ADGRL2: variants seen among roughly 807,000 people sequenced by gnomAD.
ADGRL2 encodes the protein adhesion G protein-coupled receptor L2.
ADGRL2 carries 44 observed loss-of-function variants against 157.4 expected under a neutral mutation model. That is an observed-to-expected ratio of 0.28 (90% CI 0.22 to 0.36). The LOEUF (loss-of-function observed/expected upper bound fraction) is 0.36. Ranked by LOEUF, ADGRL2 falls within the 10% of genes least tolerant of loss-of-function variation. The pLI is 1.00. For missense variants in ADGRL2, 1,510 were observed against 1,768.9 expected, an observed-to-expected ratio of 0.85 and a Z score of 2.63; for synonymous variants, 585 against 624.7, an observed-to-expected ratio of 0.94 and a Z score of 0.95.
chr1:81,545,191 G>A (rs1375683140), intron 2 of ADGRL2, among the ~76,000 whole-genome samples: 1 of 152,042 alleles, frequency 6.6e-6, no homozygotes, highest in Non-Finnish European at 1.5e-5. Flanking sequence ...AGGGGATCGA[G>A]GTTCAAAACA....
Position 81,963,194 on chromosome 1 carries a change from C to T in ADGRL2, c.2018-2864C>T, listed in dbSNP as rs74790217. Among the ~76,000 whole-genome samples the T allele has an allele frequency of 2.6e-3, 393 of 151,846 alleles. 8 individuals are homozygous for T. The East Asian group carries it at 0.034, about 13-fold the overall frequency. On this transcript the variant is annotated intron_variant, in intron 11 of 23. Transcript: ENST00000686636. ...CTTTTTTTTATTATAAATAATATCA[C>T]TTTTAAAATTACATATTTTAATTGT...
Position 81,993,188 on chromosome 1 carries a change from G to A in ADGRL2, c.*2043G>A, listed in dbSNP as rs1246854325. Among the ~76,000 whole-genome samples, 1 of 125,096 alleles carries A rather than the reference G, an allele frequency of 8.0e-6. No individual in the cohort carries two copies. Among genetic ancestry groups the A allele is most frequent in the Non-Finnish European group, 1.6e-5 (1 of 62,014 alleles). The allele number at this position is 125,096 out of a possible 152,430, so 82.1% of individuals were successfully genotyped here. ...GTGATCTCGGCTCACTGCAACCTCC[G>A]CCTCCCAGGTTCTCAAACAGATTTA... On this transcript the variant is annotated 3_prime_UTR_variant, in exon 24 of 24. Transcript: ENST00000686636.
At chr1:81,753,968 T>C (rs2085576287) in intron 1 of ADGRL2, among the ~76,000 whole-genome samples, 1 of 152,034 alleles carries the variant, frequency 6.6e-6, no homozygotes, top group Admixed American at 6.6e-5. Context: ...TGAGAATGAG[T>C]TGTGGTCTAA....
intron 2 of ADGRL2, among the ~76,000 whole-genome samples, chr1:81,541,288 G>C (rs978453648): frequency 2.0e-5 from 3 of 152,208 alleles, no homozygotes; most frequent in Non-Finnish European, 4.4e-5. Flanking sequence ...CAAGAACCAG[G>C]ATGCAACCAA....
chr1:81,955,426 A>G (rs1332872691), intron 10 of ADGRL2, among the ~76,000 whole-genome samples: 1 of 152,172 alleles, frequency 6.6e-6, no homozygotes, highest in Non-Finnish European at 1.5e-5. Context: ...TCAAAAAATA[A>G]TATAGTTTAA....
chr1:81,313,919 C>G (rs1301659445), intron 1 of ADGRL2, among the ~76,000 whole-genome samples: 2 of 152,074 alleles, frequency 1.3e-5, no homozygotes, highest in Non-Finnish European at 2.9e-5. Context: ...ATATTTCTCT[C>G]CTTCATACTC....
chr1:81,786,546 A>G (rs2087056303), intron 2 of ADGRL2, among the ~76,000 whole-genome samples: 1 of 152,246 alleles, frequency 6.6e-6, no homozygotes, highest in South Asian at 2.1e-4. Context: ...ACTGCACTCC[A>G]GCCTGGGTGA....
At chr1:81,699,547 T>G (rs1031308716), upstream of ADGRL2, among the ~76,000 whole-genome samples, 1 of 152,216 alleles carries the variant, frequency 6.6e-6, no homozygotes, top group African/African-American at 2.4e-5. Context: ...CAGGTGGAAC[T>G]GGCTACCTGA....
chr1:81,399,136 G>A (rs1450816401), intron 1 of ADGRL2, among the ~76,000 whole-genome samples: 1 of 152,164 alleles, frequency 6.6e-6, no homozygotes, highest in Non-Finnish European at 1.5e-5. Flanking sequence ...GCAAAAGAGA[G>A]AGAGAGTGAT....
chr1:81,310,397 C>T (rs111632354), intron 1 of ADGRL2, among the ~76,000 whole-genome samples: 1 of 152,200 alleles, frequency 6.6e-6, no homozygotes, highest in African/African-American at 2.4e-5. Context: ...GTTTATTTGA[C>T]CTGTGGATAT....
chr1:81,739,679 G>A (rs1446254128), intron 1 of ADGRL2, among the ~76,000 whole-genome samples: 1 of 152,184 alleles, frequency 6.6e-6, no homozygotes, highest in Non-Finnish European at 1.5e-5. Context: ...TGCCTCAGCA[G>A]AGGCCTTACG....
intron 1 of ADGRL2, among the ~76,000 whole-genome samples, chr1:81,370,949 G>T (rs1447442531): frequency 3.3e-5 from 5 of 152,170 alleles, no homozygotes; most frequent in African/African-American, 1.2e-4. Context: ...TATCGTGTGT[G>T]ACTTAGTGAG....
At chr1:81,774,111 C>T (rs550144376) in intron 2 of ADGRL2, among the ~76,000 whole-genome samples, 7 of 152,100 alleles carry the variant, frequency 4.6e-5, no homozygotes, top group Non-Finnish European at 7.4e-5. Flanking sequence ...TTGTTTAAGT[C>T]GCCCTGTCTG....
At chr1:81,673,947 G>C (rs920992263) in intron 3 of ADGRL2, among the ~76,000 whole-genome samples, 2 of 152,066 alleles carry the variant, frequency 1.3e-5, no homozygotes, top group African/African-American at 4.8e-5. Context: ...TGATCCACTT[G>C]TTCATTAAGA....
chr1:81,845,982 C>T (rs536207659), intron 2 of ADGRL2, among the ~76,000 whole-genome samples: 1 of 151,788 alleles, frequency 6.6e-6, no homozygotes, highest in South Asian at 2.1e-4. Flanking sequence ...AATATTTATT[C>T]ATTACATTTC....
At chr1:81,796,391 T>G (rs1237065921), upstream of ADGRL2, among the ~76,000 whole-genome samples, 2 of 152,162 alleles carry the variant, frequency 1.3e-5, no homozygotes, top group Non-Finnish European at 2.9e-5. Context: ...TGTATAAAAT[T>G]AGTGTTCTTT....
intron 2 of ADGRL2, among the ~76,000 whole-genome samples, chr1:81,491,709 C>T (rs1280901689): frequency 6.6e-6 from 1 of 152,124 alleles, no homozygotes; most frequent in South Asian, 2.1e-4. Context: ...AACATTTTAA[C>T]CCAGGACTAG....
intron 2 of ADGRL2, among the ~76,000 whole-genome samples, chr1:81,543,300 C>T (rs968534010): frequency 6.6e-6 from 1 of 151,842 alleles, no homozygotes; most frequent in Middle Eastern, 3.4e-3. Flanking sequence ...CTAATTCCCT[C>T]ACTAAAGTCC....
intron 1 of ADGRL2, among the ~76,000 whole-genome samples, chr1:81,830,517 T>C (rs528956914): frequency 3.9e-5 from 6 of 152,344 alleles, no homozygotes; most frequent in African/African-American, 1.4e-4. Context: ...TATTTTATTT[T>C]ATTTTTTTGA....
Sources: gnomAD v4.1 joint callset for allele counts (sites outside exome capture counted in the v4.1 genomes callset) on GRCh38, gnomAD v4.1.1 for gene constraint, MANE v1.5 for transcripts, NCBI Gene and HGNC (gene_info 2026-07-23, HGNC 2026-07-21) for gene names.